AMBRA1: variants seen among roughly 807,000 people sequenced by gnomAD.
AMBRA1 encodes autophagy and beclin 1 regulator 1, also known as activating molecule in BECN1-regulated autophagy protein 1.
In AMBRA1, 47 loss-of-function variants were observed where a neutral mutation model predicts 125.4. That is an observed-to-expected ratio of 0.37 (90% CI 0.30 to 0.48). AMBRA1 has a LOEUF of 0.48. Among genes scored for constraint, AMBRA1 ranks in the 20% least tolerant of loss-of-function variants. The pLI, the probability that AMBRA1 is intolerant of heterozygous loss-of-function variation, is 0.99. For synonymous variants in AMBRA1, 626 were observed against 655.5 expected (o/e 0.95, Z 0.69); for missense variants, 1,331 against 1,693.4 (o/e 0.79, Z 3.76).
intron 11 of AMBRA1, among the ~76,000 whole-genome samples, chr11:46,486,773 G>A (rs1004331385): frequency 3.1e-4 from 47 of 152,090 alleles, no homozygotes; most frequent in African/African-American, 1.9e-4. Context: ...GGGCATGGTC[G>A]TGGGCACCTA....
chr11:46,440,075 C>T (rs1454870454), intron 12 of AMBRA1, among the ~76,000 whole-genome samples: 9 of 152,106 alleles, frequency 5.9e-5, no homozygotes, highest in African/African-American at 1.7e-4. Context: ...ACACACTCTT[C>T]CCCCCTGCAA....
chr11:46,413,075 C>T (rs981749344), intron 15 of AMBRA1, among the ~76,000 whole-genome samples: 9 of 152,244 alleles, frequency 5.9e-5, no homozygotes, highest in Non-Finnish European at 8.8e-5. Context: ...GACCCGGAAC[C>T]TTCCTTCCTA....
At chr11:46,592,990 A>G (rs1442855060) in intron 1 of AMBRA1, among the ~76,000 whole-genome samples, 1 of 152,244 alleles carries the variant, frequency 6.6e-6, no homozygotes, top group African/African-American at 2.4e-5. Context: ...AACAAAGTAG[A>G]CAACAAGGTT....
At chr11:46,569,215 T>A (rs1397104517) in intron 1 of AMBRA1, among the ~76,000 whole-genome samples, 1 of 130,882 alleles carries the variant, frequency 7.6e-6, no homozygotes, top group Non-Finnish European at 1.6e-5. Flanking sequence ...TACCACACTC[T>A]AGCCTGGGCG....
chr11:46,474,006 C>G (rs1949713509), intron 11 of AMBRA1, among the ~76,000 whole-genome samples: 1 of 152,082 alleles, frequency 6.6e-6, no homozygotes, highest in South Asian at 2.1e-4. Context: ...TAAAAATTCC[C>G]AACACTTAGT....
chr11:46,527,056 T>C (rs557980069), intron 7 of AMBRA1, among the ~76,000 whole-genome samples: 24 of 152,302 alleles, frequency 1.6e-4, no homozygotes, highest in African/African-American at 5.1e-4. Context: ...TTAGAAAGAC[T>C]TGCACTCTCT....
At chr11:46,485,154 T>C (rs1404562958) in intron 11 of AMBRA1, among the ~76,000 whole-genome samples, 2 of 152,062 alleles carry the variant, frequency 1.3e-5, no homozygotes, top group African/African-American at 4.8e-5. Flanking sequence ...GCCAGGCTGG[T>C]CTCGAACTCC....
intron 11 of AMBRA1, among the ~76,000 whole-genome samples, chr11:46,464,127 C>A (rs1404838091): frequency 1.3e-5 from 2 of 152,146 alleles, no homozygotes; most frequent in Non-Finnish European, 2.9e-5. Context: ...AAACAATATA[C>A]AGAATTAGGC....
At chr11:46,510,067 C>G (rs1456100502) in intron 8 of AMBRA1, among the ~76,000 whole-genome samples, 1 of 152,128 alleles carries the variant, frequency 6.6e-6, no homozygotes, top group African/African-American at 2.4e-5. Flanking sequence ...TCTGGCCAAC[C>G]AGCAAATGGA....
chr11:46,482,824 C>A (rs1316439522), intron 11 of AMBRA1, among the ~76,000 whole-genome samples: 1 of 151,988 alleles, frequency 6.6e-6, no homozygotes, highest in Non-Finnish European at 1.5e-5. Flanking sequence ...GCCTGGCCAA[C>A]ACAGTGAAAC....
chr11:46,554,735 A>C (rs2043113765), intron 1 of AMBRA1, among the ~76,000 whole-genome samples: 1 of 152,174 alleles, frequency 6.6e-6, no homozygotes, highest in Non-Finnish European at 1.5e-5. Flanking sequence ...ATGAGGAGAA[A>C]ATGCCAGTCA....
chr11:46,481,152 G>A (rs2136919523), intron 11 of AMBRA1, among the ~76,000 whole-genome samples: 1 of 152,256 alleles, frequency 6.6e-6, no homozygotes. Flanking sequence ...GCCGTCCCCA[G>A]ACTGATAAGA....
At chr11:46,441,428 C>T (rs950547860) in intron 12 of AMBRA1, among the ~76,000 whole-genome samples, 43 of 152,026 alleles carry the variant, frequency 2.8e-4, no homozygotes, top group Admixed American at 7.2e-4. Flanking sequence ...GCGGGAGAAT[C>T]GCATGAACCT....
chr11:46,482,386 A>G (rs1353337796), intron 11 of AMBRA1, among the ~76,000 whole-genome samples: 4 of 152,200 alleles, frequency 2.6e-5, no homozygotes, highest in African/African-American at 9.7e-5. Context: ...TACCAGTCCA[A>G]CGGAAACCGT....
chr11:46,418,318 TTA>T (rs10546476), intron 14 of AMBRA1, among the ~76,000 whole-genome samples: 207 of 3,344 alleles, frequency 0.062, 1 homozygote, highest in South Asian at 0.087. Context: ...ATTTTATTAT[TTA>T]TATATAAATA....
intron 1 of AMBRA1, chr11:46,549,139 G>A (rs564352781): frequency 1.3e-5 from 2 of 151,700 alleles, no homozygotes; most frequent in Admixed American, 1.3e-4. Flanking sequence ...AGACTTACAA[G>A]GAGAAAACTT....
chr11:46,450,692 C>G (rs1316399579), intron 11 of AMBRA1, among the ~76,000 whole-genome samples: 3 of 152,204 alleles, frequency 2.0e-5, no homozygotes, highest in Non-Finnish European at 4.4e-5. Flanking sequence ...ATCCACCTGC[C>G]TTGGCCTCCC....
chr11:46,443,241 T>C (rs1948107125), intron 12 of AMBRA1, among the ~76,000 whole-genome samples: 1 of 152,166 alleles, frequency 6.6e-6, no homozygotes, highest in African/African-American at 2.4e-5. Context: ...GTGACCCTTT[T>C]AGGAAAGACT....
At chr11:46,525,902 A>G (rs1010834465) in intron 7 of AMBRA1, among the ~76,000 whole-genome samples, 17 of 151,866 alleles carry the variant, frequency 1.1e-4, no homozygotes, top group African/African-American at 3.6e-4. Context: ...ACAGAGCGAG[A>G]CTCTGTCTCA....
Sources: allele counts gnomAD v4.1 joint callset (sites outside exome capture counted in the v4.1 genomes callset), GRCh38; gene constraint gnomAD v4.1.1; transcripts MANE v1.5; gene names NCBI Gene and HGNC (gene_info 2026-07-23, HGNC 2026-07-21).